The following ZSCAN10 variants were observed in gnomAD, a reference collection of about 807,000 sequenced individuals.
ZSCAN10 encodes zinc finger and SCAN domain containing 10, also known as zinc finger and SCAN domain-containing protein 10.
In ZSCAN10, 52 loss-of-function variants were observed where a neutral mutation model predicts 63.7. The observed-to-expected ratio is 0.82, with a 90% CI of 0.65 to 1.03. The LOEUF (loss-of-function observed/expected upper bound fraction) is 1.03. ZSCAN10 is among the 50% of genes least tolerant of loss of function. The pLI is 0.00. For synonymous variants in ZSCAN10, 544 were observed against 479.6 expected, an observed-to-expected ratio of 1.13 and a Z score of -1.76; for missense variants, 1,223 against 1,103.8, an observed-to-expected ratio of 1.11 and a Z score of -1.53.
At chr16:3,095,514 CA>C (rs35286530) in intron 1 of ZSCAN10, among the ~76,000 whole-genome samples, 57 of 132,410 alleles carry the variant, frequency 4.3e-4, no homozygotes, top group Admixed American at 4.6e-4. Context: ...GACTCCGTCT[CA>C]AAAAAAAAAA....
At chr16:3,098,052 A>G (rs1364936429) in intron 1 of ZSCAN10, among the ~76,000 whole-genome samples, 1 of 149,264 alleles carries the variant, frequency 6.7e-6, no homozygotes, top group African/African-American at 2.4e-5. Context: ...CAAAAAAAAA[A>G]AAAAAAAAAA....
chr16:3,090,339 G>A lies in ZSCAN10; in HGVS notation c.1095C>T (p.His365=). Residue 365 remains histidine, a synonymous_variant, in exon 6 of 6, where the codon CAC becomes CAT. Transcript: ENST00000576985. ...GCCCAGCCGGGTGCGAGCGCAGCTG[G>A]TGCGCCTTCAGGCGAGACAGCTGCG... ...SFPQLSRLKA[H]QLRSHPAGRS... The A allele has an allele frequency of 6.2e-7, 1 of 1,611,154 alleles. No individual in the cohort carries two copies. Among genetic ancestry groups the A allele is most frequent in the Non-Finnish European group, 8.5e-7 (1 of 1,178,892 alleles).
intron 1 of ZSCAN10, among the ~76,000 whole-genome samples, chr16:3,097,514 G>C (rs556649019): frequency 6.8e-4 from 103 of 152,300 alleles, no homozygotes; most frequent in African/African-American, 2.4e-3. Flanking sequence ...GATGGGGACA[G>C]GGTGGGGCCA....
rs1257866185 is a variant in ZSCAN10 at position 3,089,036 on chromosome 16, T to G, written c.*55A>C. 2.8e-6 allele frequency: 4 copies of G among 1,436,312 alleles called. No individual in the cohort carries two copies. In the East Asian group the frequency reaches 1.1e-4, roughly 39 times the overall value. The allele number at this position is 1,436,312 out of a possible 1,614,324, so 89.0% of individuals were successfully genotyped here. ...AAGGGACATTCCTGCAGGCCTCCGC[T>G]GTGGAGGACCCCGGGTAGGTGGCGC... On this transcript the variant is annotated 3_prime_UTR_variant, in exon 6 of 6. Coordinates refer to ENST00000576985, the MANE Select transcript of ZSCAN10 (RefSeq NM_032805.3).
At position 3,092,898 on chromosome 16, in the gene ZSCAN10, G is replaced by A; in HGVS notation, c.40C>T (p.Gln14Ter). ...TCCTCCAGCTTGACTTCCCCCAGCT[G>A]CTCCTGCTCCACGGCAGCTGGGACT... ...ESVPAAVEQE[Q>*]LGEVKLEEEE... Residue 14 changes from glutamine to a stop codon, truncating the protein, a stop_gained, in exon 2 of 6, where the codon CAG becomes TAG. Transcript: ENST00000576985. LOFTEE classifies it high-confidence loss of function. 1 of 1,439,778 alleles carries A rather than the reference G, an allele frequency of 6.9e-7. No homozygotes were observed. Among genetic ancestry groups the A allele is most frequent in the Non-Finnish European group, 9.1e-7 (1 of 1,095,458 alleles). The allele number at this position is 1,439,778 out of a possible 1,614,324, so 89.2% of individuals were successfully genotyped here. A position where few individuals can be genotyped will look rare whatever the true frequency, so the allele number is the denominator to read the frequency against.
intron 2 of ZSCAN10, 80 bp downstream of exon 2, chr16:3,092,462 A>C (rs3810807): frequency 6.9e-7 from 1 of 1,459,004 alleles, no homozygotes; most frequent in Non-Finnish European, 9.0e-7. Context: ...GGGGAAAGTG[A>C]AGTTTCCAGA....
intron 1 of ZSCAN10, among the ~76,000 whole-genome samples, chr16:3,097,766 G>C (rs1262525533): frequency 6.6e-6 from 1 of 152,196 alleles, no homozygotes; most frequent in Non-Finnish European, 1.5e-5. Context: ...TCCAGCACTT[G>C]AAGTTGCTTC....
chr16:3,092,865 C>A lies in ZSCAN10; in HGVS notation c.73G>T (p.Ala25Ser). The A allele has an allele frequency of 6.9e-7, 1 of 1,439,588 alleles. No homozygotes were observed. Among genetic ancestry groups the A allele is most frequent in the African/African-American group, 1.4e-5 (1 of 69,244 alleles). 89.2% of individuals were successfully genotyped at this position (1,439,588 alleles called of 1,614,324 possible). Reference protein sequence around the residue: ...LGEVKLEEEEAVSPEDPRRPE... With the variant: ...LGEVKLEEEESVSPEDPRRPE... The stretch of plus-strand genomic sequence containing the variant: ...CGCCTGGGGTCCTCTGGGCTGACAG[C>A]CTCCTCCTCCTCCAGCTTGACTTCC... Residue 25 changes from alanine (A) to serine (S), a missense_variant, in exon 2 of 6, where the codon GCT (alanine) becomes TCT (serine). Physicochemically the swap from Ala to Ser is moderately conservative, Grantham distance 99. Coordinates refer to ENST00000576985, the MANE Select transcript of ZSCAN10 (RefSeq NM_032805.3).
In ZSCAN10 at chr16:3,089,672, C is replaced by A. The variant is rs1181746159; in HGVS notation, c.1762G>T (p.Val588Leu). 2.5e-6 allele frequency: 4 copies of A among 1,595,888 alleles called. No homozygotes were observed. Among genetic ancestry groups the A allele is most frequent in the Non-Finnish European group, 2.6e-6 (3 of 1,172,514 alleles). ...TGGCGGGCAAGGCTGGCCCGGCGCA[C>A]AAAGCGCTTCCCGCACTGCGGACAG... ...YACPQCGKRFVRRASLARHLL... is the reference protein window; with the variant it reads ...YACPQCGKRFLRRASLARHLL... The change falls in exon 6 of 6, where the codon GTG (valine) becomes TTG (leucine). Residue 588 changes from valine to leucine, a missense_variant. Coordinates refer to ENST00000576985, the MANE Select transcript of ZSCAN10 (RefSeq NM_032805.3).
intron 1 of ZSCAN10, among the ~76,000 whole-genome samples, chr16:3,098,067 GAAAGAAAGA>G (rs1957177203): frequency 1.5e-5 from 2 of 130,494 alleles, no homozygotes; most frequent in Admixed American, 7.7e-5. Flanking sequence ...AAAAAAGAAA[GAAAGAAAGA>G]AAAGAAAAGA....
At chr16:3,091,124 A>C (rs935265812) in intron 5 of ZSCAN10, among the ~76,000 whole-genome samples, 10 of 152,028 alleles carry the variant, frequency 6.6e-5, no homozygotes, top group African/African-American at 2.4e-4. Context: ...GGTGGAGGTC[A>C]AACAAGGGTG....
In ZSCAN10 at chr16:3,090,505, C is replaced by T. The variant is rs150161891; in HGVS notation, c.929G>A (p.Arg310Gln). The T allele has an allele frequency of 1.6e-4, 256 of 1,613,094 alleles. No homozygotes were observed. Among genetic ancestry groups the T allele is most frequent in the Non-Finnish European group, 2.1e-4 (243 of 1,179,718 alleles). The change falls in exon 6 of 6, where the codon CGG becomes CAG. Residue 310 changes from arginine to glutamine, a missense_variant. Transcript: ENST00000576985. ...ACCAGGGCCGCTAGCCGCAGCGCCC[C>T]GTCCGAGCGACTGGGCGCAAGGCTC... ...PGEPCAQSLG[R>Q]GAAASGPGED...
Position 3,089,755 on chromosome 16 carries a change from G to A in ZSCAN10, c.1679C>T (p.Thr560Met), listed in dbSNP as rs984874719. ...GTGGCTGACCAGCTGCGAGCTCTGC[G>A]TGAAGCTGCGGCCGCAAGCCTGGCA... ...FSCQACGRSF[T>M]QSSQLVSHQR... is the part of the protein sequence containing the mutation. The change falls in exon 6 of 6, where the codon ACG becomes ATG. Residue 560 changes from threonine (T) to methionine (M), a missense_variant. Physicochemically the swap from Thr to Met is moderately conservative, Grantham distance 81. Transcript: ENST00000576985. The A allele has an allele frequency of 2.5e-6, 4 of 1,597,814 alleles. No individual in the cohort carries two copies. Among genetic ancestry groups the A allele is most frequent in the African/African-American group, 2.7e-5 (2 of 74,306 alleles).
At chr16:3,090,757 G>C (rs944525985) in intron 5 of ZSCAN10, 111 bp from the exon 6 acceptor site, 1 of 1,333,448 alleles carries the variant, frequency 7.5e-7, no homozygotes, top group Admixed American at 3.1e-5. Flanking sequence ...CTGCAAAGCT[G>C]GTAGGTAAAA....
intron 2 of ZSCAN10, 110 bp downstream of exon 2, chr16:3,092,432 G>T: frequency 6.7e-7 from 1 of 1,493,928 alleles, no homozygotes; most frequent in Non-Finnish European, 8.9e-7. Flanking sequence ...GTTAGGAGGT[G>T]AAGAAGGAAT....
At position 3,092,165 on chromosome 16, in the gene ZSCAN10, C is replaced by A. The variant is rs149971053; in HGVS notation, c.548G>T (p.Arg183Leu). 2 of 1,613,126 alleles carry A rather than the reference C, an allele frequency of 1.2e-6. No individual in the cohort carries two copies. Among genetic ancestry groups the A allele is most frequent in the Non-Finnish European group, 8.5e-7 (1 of 1,179,926 alleles). ...AGGCTGGGCAGCCCTTGGCTGGGGTCGGGGAGGCTCATCCGATGGGCCCAG... is the reference window on the plus strand; with the variant it reads ...AGGCTGGGCAGCCCTTGGCTGGGGTAGGGGAGGCTCATCCGATGGGCCCAG... Reference protein sequence around the residue: ...SVLGPSDEPPRPQPRAAQPAE... With the variant: ...SVLGPSDEPPLPQPRAAQPAE... The change falls in exon 3 of 6, where the codon CGA becomes CTA. Residue 183 changes from arginine to leucine, a missense_variant. Physicochemically the swap from Arg to Leu is moderately radical, Grantham distance 102. Transcript: ENST00000576985.
At position 3,092,060 on chromosome 16, in the gene ZSCAN10, A is replaced by G. The variant is rs1226913994; in HGVS notation, c.653T>C (p.Leu218Pro). 1 of 1,562,042 alleles carries G rather than the reference A, an allele frequency of 6.4e-7. No homozygotes were observed. The highest frequency in any genetic ancestry group is 1.9e-5 in the Admixed American group (1 of 52,906). Residue 218 changes from leucine to proline, a missense_variant, in exon 3 of 6, where the codon CTG becomes CCG. Coordinates refer to ENST00000576985, the MANE Select transcript of ZSCAN10 (RefSeq NM_032805.3). ...SPGPQKTFQA[L>P]QESSPQGPSP... ...CACAAGCTCCTCACTGCTTTCTTGC[A>G]GGGCCTGGAATGTCTTCTGGGGCCC...
rs11644978 is a variant in ZSCAN10 at position 3,092,910 on chromosome 16, C to G, written c.28G>C (p.Val10Leu). The change falls in exon 2 of 6, where the codon GTG (valine) becomes CTG (leucine). Residue 10 changes from valine to leucine, a missense_variant. Transcript: ENST00000576985. MLGESVPAAVEQEQLGEVKL... is the reference protein window; with the variant it reads MLGESVPAALEQEQLGEVKL... ...ACTTCCCCCAGCTGCTCCTGCTCCACGGCAGCTGGGACTGATTCTCCAAGC... is the reference window on the plus strand; with the variant it reads ...ACTTCCCCCAGCTGCTCCTGCTCCAGGGCAGCTGGGACTGATTCTCCAAGC... 564,196 of 1,433,452 alleles carry G rather than the reference C, an allele frequency of 0.39. 113,580 individuals carry two copies. The highest frequency in any genetic ancestry group is 0.52 in the African/African-American group (35,983 of 68,976). 88.8% of individuals were successfully genotyped at this position (1,433,452 alleles called of 1,614,324 possible). A position where few individuals can be genotyped will look rare whatever the true frequency, so the allele number is the denominator to read the frequency against.
In ZSCAN10 at chr16:3,092,910, C is replaced by A. The variant is rs11644978; in HGVS notation, c.28G>T (p.Val10Leu). The A allele has an allele frequency of 2.8e-6, 4 of 1,433,836 alleles. No individual in the cohort carries two copies. The highest frequency in any genetic ancestry group is 3.7e-6 in the Non-Finnish European group (4 of 1,093,630). 88.8% of individuals were successfully genotyped at this position (1,433,836 alleles called of 1,614,324 possible). The change falls in exon 2 of 6, where the codon GTG becomes TTG. Residue 10 changes from valine to leucine, a missense_variant. Coordinates refer to ENST00000576985, the MANE Select transcript of ZSCAN10 (RefSeq NM_032805.3). MLGESVPAA[V>L]EQEQLGEVKL... is the part of the protein sequence containing the mutation. ...ACTTCCCCCAGCTGCTCCTGCTCCA[C>A]GGCAGCTGGGACTGATTCTCCAAGC... is the stretch of plus-strand genomic sequence containing the variant.
Sources: gnomAD v4.1 joint callset for allele counts (sites outside exome capture counted in the v4.1 genomes callset) on GRCh38, gnomAD v4.1.1 for gene constraint, MANE v1.5 for transcripts, NCBI Gene and HGNC (gene_info 2026-07-23, HGNC 2026-07-21) for gene names.